Variants in CPAMD8 observed in about 807,000 individuals in gnomAD.
CPAMD8 encodes the protein C3 and PZP like alpha-2-macroglobulin domain containing 8.
In CPAMD8, 146 loss-of-function variants were observed where a neutral mutation model predicts 224.7. The ratio of observed to expected loss-of-function variants is 0.65; its 90% confidence interval spans 0.57 to 0.75. CPAMD8 has a LOEUF of 0.75. Ranked by LOEUF, CPAMD8 falls within the 30% of genes least tolerant of loss-of-function variation. The pLI, the probability that CPAMD8 is intolerant of heterozygous loss-of-function variation, is 0.00. For missense variants in CPAMD8, 2,301 were observed against 2,537.5 expected, an observed-to-expected ratio of 0.91 and a Z score of 2.00; for synonymous variants, 966 against 1,044.6, an observed-to-expected ratio of 0.92 and a Z score of 1.45.
rs369858688 is a variant in CPAMD8 at position 16,903,624 on chromosome 19, C to T, written c.4408-1G>A. 3.7e-6 allele frequency: 6 copies of T among 1,614,140 alleles called. No homozygotes were observed. Among genetic ancestry groups the T allele is most frequent in the Non-Finnish European group, 5.1e-6 (6 of 1,180,014 alleles). On this transcript the variant is annotated splice_acceptor_variant, in intron 33 of 41. Transcript: ENST00000443236. LOFTEE classifies it high-confidence loss of function. ...ACAGCCCCGTGGGGAGGCTGGGGAT[C>T]TGGAGACAGAAGTCACCGTGAGGCC...
chr19:16,932,745 A>C (rs1418066933), intron 23 of CPAMD8, among the ~76,000 whole-genome samples: 1 of 152,190 alleles, frequency 6.6e-6, no homozygotes, highest in Non-Finnish European at 1.5e-5. Flanking sequence ...CCAGAAAGTG[A>C]AGAAAAAACA....
chr19:16,967,811 C>CA (rs11413549), intron 18 of CPAMD8, among the ~76,000 whole-genome samples: 26,156 of 102,400 alleles, frequency 0.26, 2,767 homozygotes, highest in Admixed American at 0.34. Flanking sequence ...TCTGTCTCAC[C>CA]AAAATATATA....
At chr19:16,914,276 C>T in intron 29 of CPAMD8, 148 bp downstream of exon 29, 1 of 647,254 alleles carries the variant, frequency 1.5e-6, no homozygotes, top group Non-Finnish European at 2.8e-6. Context: ...GTAATGTGAC[C>T]ATTGTTGATG....
At chr19:16,977,568 G>T in intron 14 of CPAMD8, 28 bp from the exon 15 acceptor site, 1 of 1,544,924 alleles carries the variant, frequency 6.5e-7, no homozygotes, top group Non-Finnish European at 8.7e-7. Flanking sequence ...AGAGAGAGGT[G>T]GTGAATTCTC....
chr19:16,996,270 C>T lies in CPAMD8; in HGVS notation c.1095+841G>A, dbSNP rs548698011. Among the ~76,000 whole-genome samples, 72 of 149,588 alleles carry T rather than the reference C, an allele frequency of 4.8e-4. 1 individual carries two copies. The South Asian group carries it at 0.013, about 26-fold the overall frequency. On this transcript the variant is annotated intron_variant, in intron 11 of 41. Coordinates refer to ENST00000443236, the MANE Select transcript of CPAMD8 (RefSeq NM_015692.5). ...GGCGGATTGCTTGAATCCAGGATGT[C>T]GAGGCTGTGGTGAGCTATGATCTCA...
chr19:17,011,401 G>T lies in CPAMD8; in HGVS notation c.486+63C>A, dbSNP rs1389293910. 5.8e-6 allele frequency: 9 copies of T among 1,552,842 alleles called. No homozygotes were observed. The East Asian group carries it at 1.8e-4, about 31-fold the overall frequency. Reference sequence around the variant, plus strand: ...AGAGAAAGACCCGTTTCCGATGGTGGCCCTGGCCAGGTAGTCCCAAGTGGG... The same window carrying T: ...AGAGAAAGACCCGTTTCCGATGGTGTCCCTGGCCAGGTAGTCCCAAGTGGG... On this transcript the variant is annotated intron_variant, in intron 5 of 41. Transcript: ENST00000443236.
chr19:16,915,427 TG>T (rs1399463147), intron 27 of CPAMD8, among the ~76,000 whole-genome samples: 1 of 152,152 alleles, frequency 6.6e-6, no homozygotes, highest in Non-Finnish European at 1.5e-5. Flanking sequence ...CAGTGCACTA[TG>T]GGGCTGCTGA....
At chr19:16,920,296 G>A (rs765380819) in intron 27 of CPAMD8, among the ~76,000 whole-genome samples, 1 of 151,366 alleles carries the variant, frequency 6.6e-6, no homozygotes, top group African/African-American at 2.4e-5. Flanking sequence ...TGGCTAACAC[G>A]GTGAAACCCC....
chr19:16,995,117 G>A (rs909028725), intron 11 of CPAMD8, among the ~76,000 whole-genome samples: 1 of 152,234 alleles, frequency 6.6e-6, no homozygotes, highest in African/African-American at 2.4e-5. Context: ...GGCCCTCAAA[G>A]CCAGGGACAC....
intron 39 of CPAMD8, 192 bp downstream of exon 39, chr19:16,897,499 C>T (rs148394955): frequency 5.3e-6 from 3 of 565,116 alleles, no homozygotes; most frequent in Admixed American, 3.4e-5. Context: ...ACGCCCCTCC[C>T]CGCTGACCGC....
rs773602529 is a variant in CPAMD8 at position 16,997,114 on chromosome 19, C to A, written c.1092G>T (p.Gly364=). Residue 364 remains glycine (G), a synonymous_variant, in exon 11 of 42, where the codon GGG becomes GGT. Transcript: ENST00000443236. ...AGCACAGTCACCCCCAAGTTACCTT[C>A]CCCACGTAGGCCAGGCCCGGCTTGA... ...KQFKPGLAYV[G]KVELSYPDGS... 1.4e-5 allele frequency: 23 copies of A among 1,603,662 alleles called. No individual in the cohort carries two copies. The highest frequency in any genetic ancestry group is 2.7e-5 in the African/African-American group (2 of 74,642).
chr19:16,990,213 C>T (rs1278069919), intron 12 of CPAMD8, among the ~76,000 whole-genome samples: 1 of 152,034 alleles, frequency 6.6e-6, no homozygotes, highest in Non-Finnish European at 1.5e-5. Flanking sequence ...GAGATCATAC[C>T]ACTGCACTCC....
At chr19:16,960,353 C>T (rs546484613) in intron 18 of CPAMD8, among the ~76,000 whole-genome samples, 5 of 152,066 alleles carry the variant, frequency 3.3e-5, no homozygotes, top group African/African-American at 7.2e-5. Flanking sequence ...AGTGGTTCAT[C>T]GTGGCACTAG....
At chr19:16,948,486 C>A (rs2054178506) in intron 20 of CPAMD8, among the ~76,000 whole-genome samples, 1 of 152,068 alleles carries the variant, frequency 6.6e-6, no homozygotes, top group Non-Finnish European at 1.5e-5. Flanking sequence ...GTGGCTCACA[C>A]CTGTAATCCC....
chr19:16,948,810 A>AGGGAAGGGAAGGGAG (rs2054190587), intron 20 of CPAMD8, among the ~76,000 whole-genome samples: 1 of 126,834 alleles, frequency 7.9e-6, no homozygotes, highest in Non-Finnish European at 1.7e-5. Context: ...AGAGAGGGGA[A>AGGGAAGGGAAGGGAG]GAGAGGGGAA....
In CPAMD8 at chr19:17,000,483, G is replaced by C. The variant is rs1240801407; in HGVS notation, c.798C>G (p.Ile266Met). The C allele has an allele frequency of 6.6e-7, 1 of 1,514,470 alleles. No homozygotes were observed. The highest frequency in any genetic ancestry group is 9.2e-7 in the Non-Finnish European group (1 of 1,088,514). 93.8% of individuals were successfully genotyped at this position (1,514,470 alleles called of 1,614,324 possible). ...FGKPVAGALM[I>M]NMTVNGVGYY... ...ACCCTACACCATTAACAGTCATGTT[G>C]ATCATTAAGGCACCAGCCACAGGTT... Residue 266 changes from isoleucine (I) to methionine (M), a missense_variant, in exon 10 of 42, where the codon ATC (isoleucine) becomes ATG (methionine). Transcript: ENST00000443236.
At chr19:16,936,826 C>CTGTA (rs1231594114) in intron 23 of CPAMD8, among the ~76,000 whole-genome samples, 1 of 152,198 alleles carries the variant, frequency 6.6e-6, no homozygotes, top group Non-Finnish European at 1.5e-5. Flanking sequence ...AGTCTGTAGA[C>CTGTA]TGTAGTTCCT....
intron 41 of CPAMD8, chr19:16,893,867 G>A (rs1307477989): frequency 6.3e-6 from 1 of 158,976 alleles, no homozygotes; most frequent in African/African-American, 2.4e-5. Context: ...GGGTGCGAGA[G>A]CTGGGACAGT....
intron 23 of CPAMD8, among the ~76,000 whole-genome samples, chr19:16,931,763 A>C (rs964005529): frequency 1.3e-5 from 2 of 152,098 alleles, no homozygotes; most frequent in East Asian, 3.8e-4. Flanking sequence ...CCCCAGCAAA[A>C]CTTCATCACA....
Sources: allele counts gnomAD v4.1 joint callset (sites outside exome capture counted in the v4.1 genomes callset), GRCh38; gene constraint gnomAD v4.1.1; transcripts MANE v1.5; gene names NCBI Gene and HGNC (gene_info 2026-07-23, HGNC 2026-07-21).